The following NPAS3 variants were observed in gnomAD, a reference collection of about 807,000 sequenced individuals.
NPAS3 encodes the protein neuronal PAS domain protein 3, also known as neuronal PAS domain-containing protein 3.
A neutral mutation model predicts 73.1 loss-of-function variants in NPAS3; 14 were observed. The ratio of observed to expected loss-of-function variants is 0.19; its 90% CI spans 0.13 to 0.30. The LOEUF is 0.30. NPAS3 is among the 10% of genes least tolerant of loss of function. The probability of loss-of-function intolerance (pLI) is 1.00; values close to 1 mark genes in which losing one functional copy is unlikely to be tolerated. For synonymous variants in NPAS3, 620 were observed against 541.5 expected (o/e 1.14, Z -2.01); for missense variants, 1,096 against 1,250.0 (o/e 0.88, Z 1.86).
chr14:33,529,617 A>AT (rs892631936), intron 4 of NPAS3, among the ~76,000 whole-genome samples: 10 of 151,656 alleles, frequency 6.6e-5, no homozygotes, highest in Admixed American at 1.3e-4. Flanking sequence ...GACAAGAAAT[A>AT]TTTTTTTTCT....
chr14:33,720,306 T>C (rs148118289), intron 6 of NPAS3, among the ~76,000 whole-genome samples: 1 of 152,138 alleles, frequency 6.6e-6, no homozygotes, highest in African/African-American at 2.4e-5. Flanking sequence ...TGATCAGCAA[T>C]GGGCCTTTTC....
chr14:33,219,272 C>T (rs2047336541), intron 3 of NPAS3, among the ~76,000 whole-genome samples: 1 of 152,174 alleles, frequency 6.6e-6, no homozygotes, highest in African/African-American at 2.4e-5. Flanking sequence ...ACTGATTTGA[C>T]ATTTGCTAAA....
intron 7 of NPAS3, among the ~76,000 whole-genome samples, chr14:33,750,469 T>C (rs1034279436): frequency 3.3e-5 from 5 of 152,212 alleles, no homozygotes; most frequent in Non-Finnish European, 7.3e-5. Context: ...AAATAACTAA[T>C]TTTACGTATT....
intron 1 of NPAS3, among the ~76,000 whole-genome samples, chr14:32,988,746 C>G (rs2038197191): frequency 6.6e-6 from 1 of 152,192 alleles, no homozygotes; most frequent in African/African-American, 2.4e-5. Flanking sequence ...GACTAATGTT[C>G]TCCAAAACTT....
intron 4 of NPAS3, among the ~76,000 whole-genome samples, chr14:33,451,276 G>A (rs1055966766): frequency 3.9e-5 from 6 of 152,046 alleles, no homozygotes; most frequent in African/African-American, 9.7e-5. Flanking sequence ...TAAACAATAC[G>A]GTACAGTGGT....
At chr14:33,348,380 A>G (rs190251618) in intron 3 of NPAS3, among the ~76,000 whole-genome samples, 1 of 152,120 alleles carries the variant, frequency 6.6e-6, no homozygotes, top group Non-Finnish European at 1.5e-5. Context: ...AAAATCGCAC[A>G]TGGATAAATG....
At chr14:33,095,880 G>A (rs1342840305) in intron 2 of NPAS3, among the ~76,000 whole-genome samples, 1 of 151,434 alleles carries the variant, frequency 6.6e-6, no homozygotes, top group Non-Finnish European at 1.5e-5. Context: ...CACCGTGTTT[G>A]CCAGGATGGT....
chr14:33,625,033 C>A (rs962922589), intron 5 of NPAS3, among the ~76,000 whole-genome samples: 6 of 152,126 alleles, frequency 3.9e-5, no homozygotes, highest in Non-Finnish European at 7.4e-5. Flanking sequence ...TTCTGTTTGA[C>A]TGTGTAGGGT....
chr14:33,452,469 G>C (rs1030767516), intron 4 of NPAS3, among the ~76,000 whole-genome samples: 5 of 152,044 alleles, frequency 3.3e-5, no homozygotes, highest in African/African-American at 9.7e-5. Context: ...AGAGTACATA[G>C]AGACTGATAA....
At chr14:33,023,990 G>A (rs1286101460) in intron 1 of NPAS3, among the ~76,000 whole-genome samples, 1 of 152,150 alleles carries the variant, frequency 6.6e-6, no homozygotes, top group Non-Finnish European at 1.5e-5. Context: ...TCATAGTATG[G>A]ATAAATTGAA....
chr14:33,726,069 TTTAA>T (rs2061256087), intron 6 of NPAS3, among the ~76,000 whole-genome samples: 1 of 152,186 alleles, frequency 6.6e-6, no homozygotes, highest in Non-Finnish European at 1.5e-5. Context: ...GTTTAAATTC[TTTAA>T]TTAGCATTTC....
At chr14:33,498,798 A>G (rs562999156) in intron 4 of NPAS3, among the ~76,000 whole-genome samples, 2 of 152,074 alleles carry the variant, frequency 1.3e-5, no homozygotes, top group Non-Finnish European at 2.9e-5. Flanking sequence ...ACAAACTTGC[A>G]TGTTCCGCAC....
At chr14:33,137,303 GACTTAA>G (rs549871566) in intron 2 of NPAS3, among the ~76,000 whole-genome samples, 25 of 152,238 alleles carry the variant, frequency 1.6e-4, no homozygotes, top group Non-Finnish European at 2.5e-4. Context: ...AGATATTTAA[GACTTAA>G]ATGTGACTTT....
intron 3 of NPAS3, among the ~76,000 whole-genome samples, chr14:33,220,046 A>G (rs555316428): frequency 6.6e-6 from 1 of 152,356 alleles, no homozygotes; most frequent in African/African-American, 2.4e-5. Flanking sequence ...TCATAGAATC[A>G]GTACATGGCC....
intron 3 of NPAS3, among the ~76,000 whole-genome samples, chr14:33,304,072 C>A (rs2140163399): frequency 6.6e-6 from 1 of 152,236 alleles, no homozygotes; most frequent in Non-Finnish European, 1.5e-5. Context: ...CACGCCCGAC[C>A]AATTTTTTGT....
Position 33,727,593 on chromosome 14 carries a change from C to T in NPAS3, c.734-7621C>T, listed in dbSNP as rs972632571. ...CTAAGTCCTGATGCCCTTTGTCTGA[C>T]ATGATGTTTGTCATTAAAAAAAAAG... On this transcript the variant is annotated intron_variant, in intron 6 of 11. Transcript: ENST00000356141. 2.0e-5 allele frequency among the ~76,000 whole-genome samples: 3 copies of T among 148,652 alleles called. No individual in the cohort carries two copies. The South Asian group carries it at 6.4e-4, about 32-fold the overall frequency.
chr14:33,288,135 G>T (rs2041953496), intron 3 of NPAS3, among the ~76,000 whole-genome samples: 1 of 152,172 alleles, frequency 6.6e-6, no homozygotes, highest in African/African-American at 2.4e-5. Flanking sequence ...AGAAAGGTTA[G>T]ATATCTGTAC....
chr14:33,198,181 A>G (rs2046453256), intron 2 of NPAS3, among the ~76,000 whole-genome samples: 1 of 152,160 alleles, frequency 6.6e-6, no homozygotes, highest in Admixed American at 6.5e-5. Context: ...GTGCGGACCC[A>G]AAGAGTGAGC....
At chr14:33,508,830 G>A (rs1449386384) in intron 4 of NPAS3, among the ~76,000 whole-genome samples, 1 of 151,982 alleles carries the variant, frequency 6.6e-6, no homozygotes, top group Non-Finnish European at 1.5e-5. Flanking sequence ...TGGGGTCAGA[G>A]GAGTAGAATG....
Sources: gnomAD v4.1 joint callset for allele counts (sites outside exome capture counted in the v4.1 genomes callset) on GRCh38, gnomAD v4.1.1 for gene constraint, MANE v1.5 for transcripts, NCBI Gene and HGNC (gene_info 2026-07-23, HGNC 2026-07-21) for gene names.